Variants in ANKRD36C observed in about 807,000 individuals in gnomAD.
ANKRD36C encodes the protein ankyrin repeat domain 36C.
Under a neutral mutation model 276.4 loss-of-function variants are expected in ANKRD36C, and 61 were observed. The observed-to-expected ratio is 0.22, with a 90% CI of 0.18 to 0.27. The LOEUF (loss-of-function observed/expected upper bound fraction) is 0.27, where lower values mean the gene tolerates loss of function less well. Among genes scored for constraint, ANKRD36C ranks in the 10% least tolerant of loss-of-function variants. ANKRD36C has a pLI of 1.00. For synonymous variants in ANKRD36C, 483 were observed against 680.1 expected (o/e 0.71, Z 4.51); for missense variants, 1,447 against 2,032.3 (o/e 0.71, Z 5.54).
At position 95,917,854 on chromosome 2, in the gene ANKRD36C, C is replaced by T. The variant is rs779105889; in HGVS notation, c.2347+1G>A. On this transcript the variant is annotated splice_donor_variant, in intron 36 of 66. Coordinates refer to ENST00000456556, the Ensembl canonical transcript of ANKRD36C. LOFTEE classifies it high-confidence loss of function. ...ACATTAAATGTCTTTTGCAAAATTA[C>T]CTGTCCCAGATTTTTCTCCGTCCTT... 17 of 1,595,326 alleles carry T rather than the reference C, an allele frequency of 1.1e-5. No homozygotes were observed. The highest frequency in any genetic ancestry group is 2.2e-5 in the South Asian group (2 of 89,372).
chr2:95,928,166 A>T (rs1677462003), intron 26 of ANKRD36C, among the ~76,000 whole-genome samples: 1 of 151,706 alleles, frequency 6.6e-6, no homozygotes, highest in Non-Finnish European at 1.5e-5. Flanking sequence ...TACATTCAGA[A>T]ATCACTCCAA....
At chr2:95,861,257 C>T (rs1053985723) in intron 60 of ANKRD36C, among the ~76,000 whole-genome samples, 2 of 151,166 alleles carry the variant, frequency 1.3e-5, no homozygotes, top group African/African-American at 4.9e-5. Flanking sequence ...CAAATAAAAA[C>T]TATAGTGGAT....
At chr2:95,929,042 C>T (rs749493779) in intron 26 of ANKRD36C, 30 bp downstream of exon 26, 14 of 1,600,580 alleles carry the variant, frequency 8.7e-6, no homozygotes, top group East Asian at 6.7e-5. Flanking sequence ...CTTGATTGAA[C>T]ATGACATTAG....
chr2:95,943,539 A>T (rs1677954704), intron 19 of ANKRD36C, among the ~76,000 whole-genome samples: 1 of 150,674 alleles, frequency 6.6e-6, no homozygotes, highest in Admixed American at 6.6e-5. Flanking sequence ...GTATAAATTA[A>T]TTTTTATTAT....
chr2:95,859,039 C>CT (rs1553396938), intron 61 of ANKRD36C, among the ~76,000 whole-genome samples: 210 of 146,002 alleles, frequency 1.4e-3, no homozygotes, highest in South Asian at 8.5e-3. Flanking sequence ...AAACTGGATA[C>CT]TTTTTTTTTT....
intron 6 of ANKRD36C, among the ~76,000 whole-genome samples, chr2:95,969,560 T>A (rs1027546351): frequency 3.3e-5 from 5 of 152,210 alleles, no homozygotes; most frequent in Admixed American, 6.6e-5. Flanking sequence ...ATATGATATC[T>A]ACTCACTAGT....
chr2:95,853,061 T>G (rs1353206510), intron 64 of ANKRD36C: 1 of 152,286 alleles, frequency 6.6e-6, no homozygotes, highest in Admixed American at 6.5e-5. Context: ...GTTTAGCTTT[T>G]TCTACAAATA....
intron 17 of ANKRD36C, among the ~76,000 whole-genome samples, chr2:95,945,986 C>T (rs77068329): frequency 1.9e-3 from 277 of 142,648 alleles, no homozygotes; most frequent in South Asian, 4.9e-3. Context: ...TAATATATGC[C>T]TAATAATACT....
chr2:95,909,618 T>C (rs1008856516), intron 42 of ANKRD36C, among the ~76,000 whole-genome samples: 6 of 128,908 alleles, frequency 4.7e-5, no homozygotes, highest in Non-Finnish European at 8.2e-5. Context: ...AAGAGGTAGC[T>C]CCTTGAACAA....
At chr2:95,931,595 GAC>G (rs1217104501) in intron 24 of ANKRD36C, among the ~76,000 whole-genome samples, 2 of 149,198 alleles carry the variant, frequency 1.3e-5, no homozygotes, top group African/African-American at 4.9e-5. Flanking sequence ...TAACTACAAT[GAC>G]AGTCTCTCCT....
At chr2:95,852,095 A>C in intron 65 of ANKRD36C, 31 bp downstream of exon 85, 1 of 1,585,784 alleles carries the variant, frequency 6.3e-7, no homozygotes, top group Non-Finnish European at 8.6e-7. Context: ...ATAAATACTC[A>C]AGTTATTTTG....
chr2:95,986,843 T>G (rs752755731), exon 3 of ANKRD36C: 27 of 1,611,840 alleles, frequency 1.7e-5, no homozygotes, highest in Non-Finnish European at 2.3e-5. Context: ...AGAGCAGTCC[T>G]TCCAAAGACA....
chr2:95,882,954 G>A (rs1459496382), intron 54 of ANKRD36C, among the ~76,000 whole-genome samples: 1 of 152,050 alleles, frequency 6.6e-6, no homozygotes, highest in Non-Finnish European at 1.5e-5. Flanking sequence ...AATTGAGGAG[G>A]TACACAATGA....
chr2:95,855,269 T>C (rs1675381714), exon 63 of ANKRD36C: 4 of 1,578,476 alleles, frequency 2.5e-6, no homozygotes, highest in Non-Finnish European at 3.4e-6. Flanking sequence ...TACTTACTTC[T>C]CTTTCTGCTT....
intron 22 of ANKRD36C, among the ~76,000 whole-genome samples, chr2:95,938,502 G>A (rs1272877117): frequency 6.6e-6 from 1 of 152,106 alleles, no homozygotes; most frequent in Non-Finnish European, 1.5e-5. Flanking sequence ...GAAGAAGAGA[G>A]TATTGCAATC....
chr2:95,912,855 C>T (rs1676975586), intron 40 of ANKRD36C, among the ~76,000 whole-genome samples: 1 of 151,394 alleles, frequency 6.6e-6, no homozygotes, highest in South Asian at 2.1e-4. Flanking sequence ...TACAAACATT[C>T]ATCATGCTCT....
chr2:95,860,557 TATCTG>T (rs1234191037), intron 60 of ANKRD36C, among the ~76,000 whole-genome samples: 9 of 152,230 alleles, frequency 5.9e-5, no homozygotes, highest in Non-Finnish European at 1.2e-4. Flanking sequence ...TTTTTCAACT[TATCTG>T]AATGAATAAA....
At chr2:95,884,864 G>C (rs1264345156) in intron 52 of ANKRD36C, among the ~76,000 whole-genome samples, 1 of 144,738 alleles carries the variant, frequency 6.9e-6, no homozygotes, top group African/African-American at 2.9e-5. Flanking sequence ...TACACTTCAC[G>C]TCTCTTCAGT....
intron 1 of ANKRD36C, among the ~76,000 whole-genome samples, chr2:95,989,352 C>G (rs2918822): frequency 2.0e-5 from 3 of 151,920 alleles, no homozygotes; most frequent in Non-Finnish European, 4.4e-5. Context: ...ATCACAATAC[C>G]CCTGCCAGAA....
Sources: allele counts gnomAD v4.1 joint callset (sites outside exome capture counted in the v4.1 genomes callset), GRCh38; gene constraint gnomAD v4.1.1; transcripts MANE v1.5; gene names NCBI Gene and HGNC (gene_info 2026-07-23, HGNC 2026-07-21).